The following TAF1 variants were observed in gnomAD, a reference collection of about 807,000 sequenced individuals.
TAF1 encodes TATA-box binding protein associated factor 1, also known as transcription initiation factor TFIID subunit 1.
TAF1 carries 2 observed loss-of-function variants against 138.5 expected under a neutral mutation model. The ratio of observed to expected loss-of-function variants is 0.01; its 90% CI spans 0.01 to 0.05. The LOEUF is 0.05. Ranked by LOEUF, TAF1 falls within the 10% of genes least tolerant of loss-of-function variation. TAF1 has a pLI of 1.00. For missense variants in TAF1, 709 were observed against 1,478.0 expected (o/e 0.48, Z 8.53); for synonymous variants, 437 against 503.2 (o/e 0.87, Z 1.76).
chrX:71,489,734 C>T (rs1376087674), intron 13 of TAF1, among the ~76,000 whole-genome samples: 1 of 110,936 alleles, frequency 9.0e-6, no homozygotes, highest in Non-Finnish European at 1.9e-5. Context: ...TGGGGATGCT[C>T]AACAGGCAAA....
At chrX:71,513,592 A>G (rs1235344989) in intron 13 of TAF1, among the ~76,000 whole-genome samples, 2 of 111,281 alleles carry the variant, frequency 1.8e-5, no homozygotes, top group Non-Finnish European at 3.8e-5. Flanking sequence ...GGGGTTAAGA[A>G]AGGTTGAGGC....
rs1294739734 is a variant in TAF1 at position 71,464,072 on chromosome X, G to C, written c.*26G>C. On this transcript the variant is annotated 3_prime_UTR_variant, in exon 38 of 38. Coordinates refer to ENST00000423759, the MANE Select transcript of TAF1 (RefSeq NM_004606.5). ...GGCTTCCTTTGGGCCTCCTTGGTCA[G>C]CCTTCCCTGTTCTCCAGCCTAGGTG... 11 of 1,154,174 alleles carry C rather than the reference G, an allele frequency of 9.5e-6. No homozygotes were observed. The highest frequency in any genetic ancestry group is 2.3e-4 in the Middle Eastern group (1 of 4,264).
intron 13 of TAF1, among the ~76,000 whole-genome samples, chrX:71,504,883 A>C (rs755617680): frequency 1.8e-5 from 2 of 109,683 alleles, no homozygotes; most frequent in Admixed American, 2.0e-4. Context: ...TAATCCCAGC[A>C]TTCTGGGAGG....
chrX:71,506,670 C>G (rs2039634219), intron 13 of TAF1, among the ~76,000 whole-genome samples: 2 of 107,104 alleles, frequency 1.9e-5, no homozygotes, highest in Admixed American at 1.0e-4. Flanking sequence ...CCACTGCACT[C>G]CAGCCTGGGC....
chrX:71,387,507 G>A, intron 15 of TAF1, 46 bp downstream of exon 15: 1 of 1,190,094 alleles, frequency 8.4e-7, no homozygotes, highest in Non-Finnish European at 1.1e-6. Context: ...ATACAGAAAG[G>A]GTATGTTGGG....
chrX:71,514,118 A>T (rs2039782307), intron 13 of TAF1, among the ~76,000 whole-genome samples: 1 of 111,439 alleles, frequency 9.0e-6, no homozygotes, highest in Non-Finnish European at 1.9e-5. Context: ...TGTAACACTC[A>T]CCGTGAAGGT....
intron 32 of TAF1, among the ~76,000 whole-genome samples, chrX:71,425,217 G>A (rs2036538725): frequency 1.8e-5 from 2 of 111,573 alleles, no homozygotes; most frequent in Non-Finnish European, 3.8e-5. Flanking sequence ...GTTTTGCTCA[G>A]TACATGAGTT....
intron 5 of TAF1, 107 bp from the exon 6 acceptor site, chrX:71,377,496 C>A: frequency 1.1e-6 from 1 of 949,719 alleles, no homozygotes; most frequent in Non-Finnish European, 1.4e-6. Context: ...TCCTTTGTTT[C>A]TCCCCCACAT....
At chrX:71,455,050 A>C (rs1204030136) in intron 34 of TAF1, 193 bp downstream of exon 34, 2 of 1,153,916 alleles carry the variant, frequency 1.7e-6, no homozygotes, top group Non-Finnish European at 2.3e-6. Context: ...CCTTGAATCC[A>C]GAAAAGGCAG....
chrX:71,413,206 A>C (rs1165372973), intron 28 of TAF1, among the ~76,000 whole-genome samples: 1 of 111,860 alleles, frequency 8.9e-6, no homozygotes, highest in Non-Finnish European at 1.9e-5. Flanking sequence ...CTAGGAGCCG[A>C]ATTGCTGAGT....
intron 18 of TAF1, among the ~76,000 whole-genome samples, chrX:71,389,976 G>A (rs189967576): frequency 3.9e-4 from 43 of 110,542 alleles, no homozygotes; most frequent in Middle Eastern, 9.3e-3. Context: ...TGCAATTCTC[G>A]CGATTCTCCT....
intron 13 of TAF1, among the ~76,000 whole-genome samples, chrX:71,496,327 G>A (rs1245646618): frequency 1.8e-5 from 2 of 112,056 alleles, no homozygotes; most frequent in Non-Finnish European, 3.8e-5. Flanking sequence ...CAGTGCTTTC[G>A]GGCTACACTC....
chrX:71,407,462 C>A, intron 26 of TAF1, 112 bp from the exon 27 acceptor site: 1 of 652,721 alleles, frequency 1.5e-6, no homozygotes, highest in Non-Finnish European at 2.4e-6. Context: ...AAGTGGTCCA[C>A]CCACCTCAGC....
At chrX:71,488,726 A>G (rs2039219300) in intron 13 of TAF1, among the ~76,000 whole-genome samples, 1 of 111,115 alleles carries the variant, frequency 9.0e-6, no homozygotes, top group African/African-American at 3.3e-5. Flanking sequence ...TCCTCTCTGC[A>G]CTGTGGCCTA....
intron 13 of TAF1, among the ~76,000 whole-genome samples, chrX:71,488,487 C>A (rs754874438): frequency 9.2e-6 from 1 of 108,828 alleles, no homozygotes; most frequent in African/African-American, 3.3e-5. Context: ...TCATGATCCA[C>A]CCACCTCAGC....
chrX:71,524,231 C>G (rs1341065042), intron 13 of TAF1, among the ~76,000 whole-genome samples: 1 of 108,617 alleles, frequency 9.2e-6, no homozygotes, highest in Non-Finnish European at 1.9e-5. Context: ...AGGGTTTTGC[C>G]ATGTTGCCCA....
intron 13 of TAF1, among the ~76,000 whole-genome samples, chrX:71,503,320 A>ATGTGTATATATATATATATATATATG (rs2039554586): frequency 1.1e-5 from 1 of 88,714 alleles, no homozygotes; most frequent in Admixed American, 1.3e-4. Context: ...ATATATATAT[A>ATGTGTATATATATATATATATATATG]TGTGTGTGTA....
At chrX:71,452,387 C>T (rs934251708) in intron 32 of TAF1, among the ~76,000 whole-genome samples, 6 of 102,239 alleles carry the variant, frequency 5.9e-5, no homozygotes, top group Admixed American at 1.0e-4. Context: ...CAGACTGGGT[C>T]GCGGCCGGGC....
chrX:71,417,019 C>CAAA (rs1277682886), intron 28 of TAF1, among the ~76,000 whole-genome samples: 5 of 57,685 alleles, frequency 8.7e-5, no homozygotes, highest in African/African-American at 3.0e-4. Context: ...GACCCTGTCT[C>CAAA]AAAAAAAAAA....
Sources: gnomAD v4.1 joint callset for allele counts (sites outside exome capture counted in the v4.1 genomes callset) on GRCh38, gnomAD v4.1.1 for gene constraint, MANE v1.5 for transcripts, NCBI Gene and HGNC (gene_info 2026-07-23, HGNC 2026-07-21) for gene names.